NOL4L: variants seen among roughly 807,000 people sequenced by gnomAD.
The protein encoded by NOL4L is nucleolar protein 4 like.
Under a neutral mutation model 64.5 loss-of-function variants are expected in NOL4L, and 7 were observed. The observed-to-expected ratio is 0.11, with a 90% CI of 0.06 to 0.20. The LOEUF (loss-of-function observed/expected upper bound fraction) is 0.20. Ranked by LOEUF, NOL4L falls within the 10% of genes least tolerant of loss-of-function variation. NOL4L has a pLI of 1.00. For synonymous variants in NOL4L, 413 were observed against 401.0 expected (o/e 1.03, Z -0.36); for missense variants, 680 against 967.1 (o/e 0.70, Z 3.94).
intron 5 of NOL4L, among the ~76,000 whole-genome samples, chr20:32,462,903 T>TAAAAAAAA (rs564168973): frequency 1.8e-4 from 14 of 76,650 alleles, no homozygotes; most frequent in Admixed American, 8.6e-4. Context: ...GACTCTGTCT[T>TAAAAAAAA]AAAAAAAAAA....
At chr20:32,459,415 C>T (rs1268161521) in intron 5 of NOL4L, among the ~76,000 whole-genome samples, 1 of 144,424 alleles carries the variant, frequency 6.9e-6, no homozygotes, top group Non-Finnish European at 1.5e-5. Flanking sequence ...TGGAGTTTCA[C>T]TCTTCCTGCC....
intron 1 of NOL4L, among the ~76,000 whole-genome samples, chr20:32,582,689 TG>T (rs1031509846): frequency 2.8e-4 from 4 of 14,176 alleles, no homozygotes; most frequent in East Asian, 1.7e-3. Context: ...GTAACCAGGA[TG>T]GGGGGGTGGG....
chr20:32,524,818 C>T (rs949636442), intron 2 of NOL4L, among the ~76,000 whole-genome samples: 3 of 152,122 alleles, frequency 2.0e-5, no homozygotes, highest in African/African-American at 7.2e-5. Context: ...GGCACAAAGG[C>T]ATCCAGGCAC....
chr20:32,455,246 C>A (rs753023390), intron 6 of NOL4L, among the ~76,000 whole-genome samples: 9 of 152,230 alleles, frequency 5.9e-5, no homozygotes, highest in African/African-American at 1.4e-4. Flanking sequence ...CAACTCACCC[C>A]CTTCATGGAA....
intron 1 of NOL4L, chr20:32,536,049 A>G: frequency 4.1e-6 from 4 of 985,692 alleles, no homozygotes; most frequent in African/African-American, 1.7e-5. Flanking sequence ...CCTGGGCCTC[A>G]GTTTCCCCCT....
intron 1 of NOL4L, among the ~76,000 whole-genome samples, chr20:32,567,008 C>T (rs1182889454): frequency 6.6e-6 from 1 of 152,202 alleles, no homozygotes; most frequent in Admixed American, 6.5e-5. Flanking sequence ...CCCCAGGCTG[C>T]ACAGGAAGTG....
intron 4 of NOL4L, among the ~76,000 whole-genome samples, chr20:32,479,749 G>A (rs984332399): frequency 6.6e-6 from 1 of 152,182 alleles, no homozygotes; most frequent in South Asian, 2.1e-4. Context: ...ATGGGTCACA[G>A]GGTAACAGAG....
In NOL4L at chr20:32,497,248, C is replaced by T. The variant is rs574203917; in HGVS notation, c.699+14099G>A. ...TACAAAGCCCTGGCCCACCCACCCG[C>T]CCCATGGAGTCAGGTCTCCTGGAGC... On this transcript the variant is annotated intron_variant, in intron 4 of 10. Coordinates refer to ENST00000621426, the MANE Select transcript of NOL4L (RefSeq NM_001256798.2). 2.6e-3 allele frequency among the ~76,000 whole-genome samples: 381 copies of T among 148,510 alleles called. 1 individual carries two copies. Among genetic ancestry groups the T allele is most frequent in the Admixed American group, 4.0e-3 (60 of 14,838 alleles).
At position 32,559,329 on chromosome 20, in the gene NOL4L, A is replaced by C. The variant is rs373380462; in HGVS notation, c.321+25241T>G. On this transcript the variant is annotated intron_variant, in intron 1 of 10. Transcript: ENST00000621426. ...CCCACACCCCTGCCTCAGGTCTTGC[A>C]TCCAGGTATCCCCAAAGCCCAGCCT... is the stretch of plus-strand genomic sequence containing the variant. Among the ~76,000 whole-genome samples the C allele has an allele frequency of 9.2e-5, 14 of 152,204 alleles. 1 individual carries two copies. The East Asian group carries it at 1.2e-3, about 13-fold the overall frequency.
At chr20:32,482,367 T>C (rs1430350652) in intron 4 of NOL4L, among the ~76,000 whole-genome samples, 2 of 152,270 alleles carry the variant, frequency 1.3e-5, no homozygotes, top group African/African-American at 4.8e-5. Flanking sequence ...CGAGGCTTAA[T>C]GAGAACTTCC....
chr20:32,487,941 T>TTA (rs2016164227), intron 4 of NOL4L, among the ~76,000 whole-genome samples: 1 of 151,916 alleles, frequency 6.6e-6, no homozygotes, highest in Admixed American at 6.5e-5. Context: ...TTTATTTTTT[T>TTA]TTTTTTTTGA....
intron 4 of NOL4L, among the ~76,000 whole-genome samples, chr20:32,480,434 C>T (rs138439057): frequency 5.9e-5 from 9 of 152,270 alleles, no homozygotes; most frequent in South Asian, 2.1e-4. Context: ...CAGGCTTGTT[C>T]GACAGGAGGC....
At chr20:32,494,253 GAA>G (rs566317193) in intron 4 of NOL4L, among the ~76,000 whole-genome samples, 308 of 22,002 alleles carry the variant, frequency 0.014, 6 homozygotes, top group African/African-American at 0.043. Context: ...ATAATCTCGG[GAA>G]AAAAAAAAAA....
At chr20:32,529,391 C>A (rs904805616) in intron 1 of NOL4L, among the ~76,000 whole-genome samples, 1 of 152,144 alleles carries the variant, frequency 6.6e-6, no homozygotes, top group Non-Finnish European at 1.5e-5. Flanking sequence ...GGGCAACCCT[C>A]GGAGGTTGTT....
intron 1 of NOL4L, among the ~76,000 whole-genome samples, chr20:32,565,235 C>T (rs1979351394): frequency 6.6e-6 from 1 of 151,794 alleles, no homozygotes; most frequent in African/African-American, 2.4e-5. Flanking sequence ...ACCGGATGGA[C>T]ACACAGGCCG....
intron 1 of NOL4L, among the ~76,000 whole-genome samples, chr20:32,562,576 C>A (rs1373215558): frequency 6.6e-6 from 1 of 152,100 alleles, no homozygotes; most frequent in Non-Finnish European, 1.5e-5. Flanking sequence ...TCTCCCCAGC[C>A]CAGACTCCAG....
chr20:32,503,961 G>T (rs1437364890), intron 4 of NOL4L, among the ~76,000 whole-genome samples: 1 of 151,786 alleles, frequency 6.6e-6, no homozygotes, highest in Non-Finnish European at 1.5e-5. Context: ...CATTTAAGAA[G>T]GCCCATCTGA....
intron 5 of NOL4L, among the ~76,000 whole-genome samples, chr20:32,465,734 G>A (rs1027566805): frequency 6.6e-6 from 1 of 152,254 alleles, no homozygotes; most frequent in Non-Finnish European, 1.5e-5. Context: ...AAGCCAGTCT[G>A]GGTTCGGTGC....
At chr20:32,494,374 T>C (rs2016604108) in intron 4 of NOL4L, among the ~76,000 whole-genome samples, 2 of 151,290 alleles carry the variant, frequency 1.3e-5, no homozygotes, top group Admixed American at 6.6e-5. Flanking sequence ...GAGTTCTGTG[T>C]CTGGGGGTAC....
Sources: allele counts gnomAD v4.1 joint callset (sites outside exome capture counted in the v4.1 genomes callset), GRCh38; gene constraint gnomAD v4.1.1; transcripts MANE v1.5; gene names NCBI Gene and HGNC (gene_info 2026-07-23, HGNC 2026-07-21).